STARD4: variants seen among roughly 807,000 people sequenced by gnomAD.
STARD4 encodes the protein stAR-related lipid transfer protein 4.
Under a neutral mutation model 24.9 loss-of-function variants are expected in STARD4, and 33 were observed. The ratio of observed to expected loss-of-function variants is 1.32; its 90% CI spans 1.00 to 1.77. The LOEUF (loss-of-function observed/expected upper bound fraction) is 1.77, where lower values mean the gene tolerates loss of function less well. Ranked by LOEUF, STARD4 falls within the 40% of genes most tolerant of loss-of-function variation. The pLI is 0.00. For missense variants in STARD4, 238 were observed against 249.3 expected, an observed-to-expected ratio of 0.95 and a Z score of 0.31; for synonymous variants, 88 against 77.4, an observed-to-expected ratio of 1.14 and a Z score of -0.72.
chr5:111,497,594 T>C lies in STARD4; in HGVS notation c.*2292A>G, dbSNP rs1756167162. 1 of 152,072 alleles carries C rather than the reference T, an allele frequency of 6.6e-6. No homozygotes were observed. Among genetic ancestry groups the C allele is most frequent in the African/African-American group, 2.4e-5 (1 of 41,448 alleles). The allele number at this position is 152,072 out of a possible 1,614,324, so 9.4% of individuals were successfully genotyped here. On this transcript the variant is annotated 3_prime_UTR_variant, in exon 6 of 6. Transcript: ENST00000296632. Reference sequence around the variant, plus strand: ...TAAAATGATAACATTTTGGATGTATTGAGTTAAATAAAATATTAAAATTAA... The same window carrying C: ...TAAAATGATAACATTTTGGATGTATCGAGTTAAATAAAATATTAAAATTAA...
At chr5:111,502,648 C>G (rs1255469741) in intron 3 of STARD4, among the ~76,000 whole-genome samples, 1 of 151,522 alleles carries the variant, frequency 6.6e-6, no homozygotes, top group African/African-American at 2.4e-5. Flanking sequence ...ACAAAACTAT[C>G]CAGGCATGGT....
intron 5 of STARD4, chr5:111,500,657 C>A: frequency 1.2e-5 from 15 of 1,259,782 alleles, no homozygotes; most frequent in Non-Finnish European, 1.5e-5. Flanking sequence ...CTAAGACACA[C>A]CAAATCTAGT....
chr5:111,499,993 C>G lies in STARD4; in HGVS notation c.511G>C (p.Gly171Arg). The G allele has an allele frequency of 6.2e-7, 1 of 1,614,152 alleles. No individual in the cohort carries two copies. Among genetic ancestry groups the G allele is most frequent in the Non-Finnish European group, 8.5e-7 (1 of 1,180,016 alleles). The change falls in exon 6 of 6, where the codon GGA becomes CGA. Residue 171 changes from glycine to arginine, a missense_variant. Gly to Arg is a moderately radical substitution (Grantham distance 125). Coordinates refer to ENST00000296632, the MANE Select transcript of STARD4 (RefSeq NM_139164.3). ...KDNPNQSLLT[G>R]YIQTDLRGMI... ...CCACGCAGATCTGTCTGAATATATC[C>G]TGTCAAAAGACTCTGGTTTGGGTTG...
Position 111,499,724 on chromosome 5 carries a change from A to G in STARD4, c.*162T>C, listed in dbSNP as rs545679886. The G allele has an allele frequency of 6.2e-6, 4 of 646,498 alleles. No individual in the cohort carries two copies. Among genetic ancestry groups the G allele is most frequent in the Non-Finnish European group, 1.1e-5 (4 of 380,596 alleles). The allele number at this position is 646,498 out of a possible 1,614,324, so 40.0% of individuals were successfully genotyped here. A position where few individuals can be genotyped will look rare whatever the true frequency, so the allele number is the denominator to read the frequency against. On this transcript the variant is annotated 3_prime_UTR_variant, in exon 6 of 6. Transcript: ENST00000296632. ...AAAGTGAAAATGCCCTCTCTTAGAT[A>G]GCTATTTACTTTAGGAATAAAACCA... is the stretch of plus-strand genomic sequence containing the variant.
In STARD4 at chr5:111,507,349, ACTTAT is replaced by A; in HGVS notation, c.80_84del (p.Asp27ValfsTer5). 3 of 1,612,954 alleles carry A rather than the reference ACTTAT, an allele frequency of 1.9e-6. No homozygotes were observed. The highest frequency in any genetic ancestry group is 1.7e-6 in the Non-Finnish European group (2 of 1,179,594). On this transcript the variant is annotated frameshift_variant, in exon 2 of 6. Transcript: ENST00000296632. LOFTEE classifies it high-confidence loss of function. This position sits in a 1 kb window ranked among gnomAD's most constrained non-coding sequence, Gnocchi z 4.4. ...TTTACCGTTTTCTTAGCAACTCGCC[ACTTAT>A]CTTCTTCAATGCTATGGTACTGGAT... is the stretch of plus-strand genomic sequence containing the variant.
intron 1 of STARD4, among the ~76,000 whole-genome samples, chr5:111,511,769 T>A (rs1038291375): frequency 6.6e-6 from 1 of 152,190 alleles, no homozygotes; most frequent in African/African-American, 2.4e-5. Context: ...ATTTGTCAAG[T>A]TTTGTCCTGG....
intron 3 of STARD4, among the ~76,000 whole-genome samples, chr5:111,502,641 A>G (rs567307074): frequency 1.3e-4 from 20 of 150,964 alleles, no homozygotes; most frequent in African/African-American, 4.9e-4. Flanking sequence ...TAAAAATACA[A>G]AACTATCCAG....
chr5:111,508,774 CT>C (rs1198791450), intron 1 of STARD4, among the ~76,000 whole-genome samples: 1 of 152,076 alleles, frequency 6.6e-6, no homozygotes, highest in Non-Finnish European at 1.5e-5. Flanking sequence ...AATGTAGGTC[CT>C]TTAAAATAGT....
intron 3 of STARD4, among the ~76,000 whole-genome samples, chr5:111,503,560 C>T (rs1230165063): frequency 1.3e-5 from 2 of 152,046 alleles, no homozygotes; most frequent in African/African-American, 4.8e-5. Context: ...ACCAGGTAGT[C>T]GGAAGCTGCA....
In STARD4 at chr5:111,497,430, A is replaced by G. The variant is rs913816403; in HGVS notation, c.*2456T>C. ...GCTATAGGACTGTGCTATTCAATAC[A>G]GTATCCACTGGCCTCATGTGGCTAA... On this transcript the variant is annotated 3_prime_UTR_variant, in exon 6 of 6. Coordinates refer to ENST00000296632, the MANE Select transcript of STARD4 (RefSeq NM_139164.3). The G allele has an allele frequency of 1.2e-4, 19 of 152,074 alleles. No individual in the cohort carries two copies. Among genetic ancestry groups the G allele is most frequent in the Non-Finnish European group, 2.4e-4 (16 of 67,928 alleles). The allele number at this position is 152,074 out of a possible 1,614,324, so 9.4% of individuals were successfully genotyped here.
Position 111,501,073 on chromosome 5 carries a change from T to C in STARD4, c.326A>G (p.Asn109Ser), listed in dbSNP as rs770249700. Reference sequence around the variant, plus strand: ...AACAAATTCTCTTGGGGAAATTATATTCCAAAGCTGACCAGCAGTAGTGTA... The same window carrying C: ...AACAAATTCTCTTGGGGAAATTATACTCCAAAGCTGACCAGCAGTAGTGTA... ...MRYTTAGQLW[N>S]IISPREFVDF... The change falls in exon 5 of 6, where the codon AAT becomes AGT. Residue 109 changes from asparagine to serine, a missense_variant. Physicochemically the swap from Asn to Ser is conservative, Grantham distance 46 (BLOSUM62 1). Coordinates refer to ENST00000296632, the MANE Select transcript of STARD4 (RefSeq NM_139164.3). 3 of 1,611,284 alleles carry C rather than the reference T, an allele frequency of 1.9e-6. No homozygotes were observed. Among genetic ancestry groups the C allele is most frequent in the East Asian group, 2.2e-5 (1 of 44,828 alleles).
chr5:111,506,011 G>A (rs1376768969), intron 3 of STARD4, among the ~76,000 whole-genome samples: 1 of 151,962 alleles, frequency 6.6e-6, no homozygotes, highest in East Asian at 1.9e-4. Flanking sequence ...CCAAGATGGT[G>A]AAACCCCATC....
chr5:111,496,691 T>C lies in STARD4; in HGVS notation c.*3195A>G, dbSNP rs1277283416. 8 of 152,036 alleles carry C rather than the reference T, an allele frequency of 5.3e-5. No homozygotes were observed. The highest frequency in any genetic ancestry group is 5.3e-4 in the Admixed American group (8 of 15,234). The allele number at this position is 152,036 out of a possible 1,614,324, so 9.4% of individuals were successfully genotyped here. ...TACATAGTTTTTTAGCTTGAGATAT[T>C]AATTGAATTCAGCATGATTGTTGAT... On this transcript the variant is annotated 3_prime_UTR_variant, in exon 6 of 6. Coordinates refer to ENST00000296632, the MANE Select transcript of STARD4 (RefSeq NM_139164.3).
rs1561533221 is a variant in STARD4 at position 111,499,704 on chromosome 5, G to GA, written c.*181dup. The GA allele has an allele frequency of 1.7e-6, 1 of 586,726 alleles. No homozygotes were observed. Among genetic ancestry groups the GA allele is most frequent in the South Asian group, 2.2e-5 (1 of 44,504 alleles). 36.3% of individuals were successfully genotyped at this position (586,726 alleles called of 1,614,324 possible). ...TCTCAAAATTTAAAAAAAAAAAAGTGAAAATGCCCTCTCTTAGATAGCTAT... is the reference window on the plus strand; with the variant it reads ...TCTCAAAATTTAAAAAAAAAAAAGTGAAAAATGCCCTCTCTTAGATAGCTAT... On this transcript the variant is annotated 3_prime_UTR_variant, in exon 6 of 6. Coordinates refer to ENST00000296632, the MANE Select transcript of STARD4 (RefSeq NM_139164.3).
Position 111,499,866 on chromosome 5 carries a change from G to A in STARD4, c.*20C>T, listed in dbSNP as rs1490213949. 6.2e-7 allele frequency: 1 copy of A among 1,604,660 alleles called. No individual in the cohort carries two copies. The highest frequency in any genetic ancestry group is 8.5e-7 in the Non-Finnish European group (1 of 1,171,494). On this transcript the variant is annotated 3_prime_UTR_variant, in exon 6 of 6. Transcript: ENST00000296632. ...AGAGAGTTGATCTGTAGTACTACAA[G>A]TTTGAATGTATTTTGCCTCTCATAA...
intron 4 of STARD4, 39 bp from the exon 5 acceptor site, chr5:111,501,155 G>C: frequency 6.4e-7 from 1 of 1,550,684 alleles, no homozygotes; most frequent in Non-Finnish European, 8.7e-7. Flanking sequence ...ACTACTATAG[G>C]AAACATACAT....
rs1756083676 is a variant in STARD4, at chr5:111,496,195, A to G, written c.*3691T>C. The G allele has an allele frequency of 6.6e-6, 1 of 152,184 alleles. No individual in the cohort carries two copies. The highest frequency in any genetic ancestry group is 2.4e-5 in the African/African-American group (1 of 41,566). The allele number at this position is 152,184 out of a possible 1,614,324, so 9.4% of individuals were successfully genotyped here. On this transcript the variant is annotated 3_prime_UTR_variant, in exon 6 of 6. Transcript: ENST00000296632. Reference sequence around the variant, plus strand: ...ACTTCTTAAAAATAAAATCTATACTATAGCTTTTATTGAACTGCAAGAGAT... The same window carrying G: ...ACTTCTTAAAAATAAAATCTATACTGTAGCTTTTATTGAACTGCAAGAGAT...
intron 4 of STARD4, 136 bp from the exon 5 acceptor site, chr5:111,501,252 C>T: frequency 1.0e-6 from 1 of 972,772 alleles, no homozygotes; most frequent in Non-Finnish European, 1.4e-6. Context: ...TACACTGATT[C>T]TGACAGGTCT....
intron 3 of STARD4, 166 bp downstream of exon 3, chr5:111,506,164 A>T: frequency 3.2e-6 from 1 of 316,948 alleles, no homozygotes; most frequent in Non-Finnish European, 5.8e-6. Context: ...ACCGCACTCC[A>T]GCCTGGGTGA....
Sources: allele counts gnomAD v4.1 joint callset (sites outside exome capture counted in the v4.1 genomes callset), GRCh38; gene constraint gnomAD v4.1.1; non-coding constraint Gnocchi (gnomAD v3.1); transcripts MANE v1.5; gene names NCBI Gene and HGNC (gene_info 2026-07-23, HGNC 2026-07-21).